GPR176: variants seen among roughly 807,000 people sequenced by gnomAD.
The protein encoded by GPR176 is G-protein coupled receptor 176.
A neutral mutation model predicts 35.4 loss-of-function variants in GPR176; 26 were observed. The ratio of observed to expected loss-of-function variants is 0.74; its 90% CI spans 0.54 to 1.02. The LOEUF is 1.02. Among genes scored for constraint, GPR176 ranks in the 50% least tolerant of loss-of-function variants. The pLI, the probability that GPR176 is intolerant of heterozygous loss-of-function variation, is 0.00. For missense variants in GPR176, 597 were observed against 665.3 expected (o/e 0.90, Z 1.13); for synonymous variants, 278 against 271.3 (o/e 1.02, Z -0.24).
At chr15:39,912,811 A>G (rs1189795151) in intron 1 of GPR176, among the ~76,000 whole-genome samples, 1 of 152,192 alleles carries the variant, frequency 6.6e-6, no homozygotes, top group African/African-American at 2.4e-5. Flanking sequence ...CTTTGTTCCC[A>G]TTTTGAGACA....
At chr15:39,856,464 C>T (rs1367999679) in intron 1 of GPR176, among the ~76,000 whole-genome samples, 1 of 152,192 alleles carries the variant, frequency 6.6e-6, no homozygotes, top group Non-Finnish European at 1.5e-5. Context: ...TGGTCTGGCT[C>T]AGCGTCTCTC....
chr15:39,916,039 G>A (rs923062633), intron 1 of GPR176, among the ~76,000 whole-genome samples: 2 of 152,168 alleles, frequency 1.3e-5, no homozygotes, highest in Non-Finnish European at 2.9e-5. Flanking sequence ...CTGTGTAGGA[G>A]GAGCTCAGAG....
At chr15:39,870,520 A>T (rs2032005612) in intron 1 of GPR176, among the ~76,000 whole-genome samples, 1 of 152,180 alleles carries the variant, frequency 6.6e-6, no homozygotes, top group African/African-American at 2.4e-5. Flanking sequence ...ATATCTTACA[A>T]CTTATCTTTA....
rs73399129 is a variant in GPR176 at position 39,859,880 on chromosome 15, G to A, written c.173-52622C>T. Among the ~76,000 whole-genome samples, 1,277 of 152,072 alleles carry A rather than the reference G, an allele frequency of 8.4e-3. 17 individuals carry two copies. The highest frequency in any genetic ancestry group is 0.029 in the African/African-American group (1,196 of 41,480). ...TGCAAGATGAAGAGTTATGGAGACT[G>A]GCTGTACAACAATGTGCATATAATT... On this transcript the variant is annotated intron_variant, in intron 1 of 2. Transcript: ENST00000561100.
chr15:39,864,805 TA>T (rs1199162385), intron 1 of GPR176, among the ~76,000 whole-genome samples: 2 of 152,032 alleles, frequency 1.3e-5, no homozygotes, highest in East Asian at 3.9e-4. Context: ...AGGGGACTAA[TA>T]TCCAGAATTT....
chr15:39,822,104 C>A (rs1419857379), intron 1 of GPR176, among the ~76,000 whole-genome samples: 8 of 152,222 alleles, frequency 5.3e-5, no homozygotes, highest in African/African-American at 1.9e-4. Context: ...CTGCCAACAG[C>A]CATGTGAATG....
At position 39,837,364 on chromosome 15, in the gene GPR176, C is replaced by T. The variant is rs138343190; in HGVS notation, c.173-30106G>A. On this transcript the variant is annotated intron_variant, in intron 1 of 2. Transcript: ENST00000561100. ...TTCTAGCTTCCTGGATCACCTCTCA[C>T]TCTGTGAGTGTGCCATTTACTCCAA... Among the ~76,000 whole-genome samples the T allele has an allele frequency of 6.9e-3, 1,052 of 152,296 alleles. 14 individuals are homozygous for T. The highest frequency in any genetic ancestry group is 0.025 in the African/African-American group (1,019 of 41,568).
intron 1 of GPR176, among the ~76,000 whole-genome samples, chr15:39,854,225 C>G (rs1456366100): frequency 6.6e-6 from 1 of 152,144 alleles, no homozygotes; most frequent in African/African-American, 2.4e-5. Context: ...TCTCCCAAGG[C>G]AATCAGGACC....
chr15:39,861,803 TA>T (rs1479195423), intron 1 of GPR176, among the ~76,000 whole-genome samples: 1 of 152,190 alleles, frequency 6.6e-6, no homozygotes, highest in African/African-American at 2.4e-5. Context: ...ATCAAAATGT[TA>T]AAGGTCTGTT....
intron 1 of GPR176, among the ~76,000 whole-genome samples, chr15:39,809,730 C>T (rs1312155064): frequency 6.6e-6 from 1 of 152,118 alleles, no homozygotes; most frequent in Non-Finnish European, 1.5e-5. Flanking sequence ...GACATACAGC[C>T]CATACAACCA....
chr15:39,911,931 G>T lies in GPR176; in HGVS notation c.172+7924C>A, dbSNP rs1314554701. On this transcript the variant is annotated intron_variant, in intron 1 of 2. Coordinates refer to ENST00000561100, the MANE Select transcript of GPR176 (RefSeq NM_007223.3). ...TCTTTTAAAAAAAAGTACCTTCAAA[G>T]ATCACTATTTTAAAATACTTTAATA... is the stretch of plus-strand genomic sequence containing the variant. Among the ~76,000 whole-genome samples the T allele has an allele frequency of 3.9e-5, 6 of 152,150 alleles. No homozygotes were observed. The East Asian group carries it at 1.2e-3, about 29-fold the overall frequency.
chr15:39,822,854 C>T (rs1199907328), intron 1 of GPR176, among the ~76,000 whole-genome samples: 1 of 152,150 alleles, frequency 6.6e-6, no homozygotes, highest in African/African-American at 2.4e-5. Flanking sequence ...GTTGGAAACA[C>T]CATAAAAGCC....
At chr15:39,823,251 A>T (rs569630661) in intron 1 of GPR176, among the ~76,000 whole-genome samples, 68 of 152,272 alleles carry the variant, frequency 4.5e-4, no homozygotes, top group Middle Eastern at 3.4e-3. Context: ...AGCCAACCAG[A>T]TATCCATATG....
intron 2 of GPR176, among the ~76,000 whole-genome samples, chr15:39,804,990 A>G (rs1225086779): frequency 1.3e-5 from 2 of 152,240 alleles, no homozygotes; most frequent in Non-Finnish European, 2.9e-5. Flanking sequence ...GTGAGGTAAT[A>G]GAAATGTTTT....
intron 1 of GPR176, among the ~76,000 whole-genome samples, chr15:39,907,166 G>A (rs866594367): frequency 6.6e-6 from 1 of 152,214 alleles, no homozygotes; most frequent in Non-Finnish European, 1.5e-5. Flanking sequence ...AAAGTCAATG[G>A]TCTTTGCAAG....
intron 1 of GPR176, among the ~76,000 whole-genome samples, chr15:39,865,142 A>G (rs1313958345): frequency 6.6e-6 from 1 of 152,096 alleles, no homozygotes; most frequent in Admixed American, 6.6e-5. Context: ...AAAATATGAA[A>G]ATTTCTCAAA....
chr15:39,856,105 A>G (rs1328654225), intron 1 of GPR176, among the ~76,000 whole-genome samples: 1 of 152,226 alleles, frequency 6.6e-6, no homozygotes, highest in Non-Finnish European at 1.5e-5. Context: ...CGACAGCAGT[A>G]TGCCACCTCT....
intron 1 of GPR176, among the ~76,000 whole-genome samples, chr15:39,888,252 T>TG (rs35568409): frequency 0.085 from 12,874 of 151,372 alleles, 936 homozygotes; most frequent in Admixed American, 0.21. Context: ...TTGGTTTTTT[T>TG]GGGGGGTGAA....
chr15:39,859,923 T>TA lies in GPR176; in HGVS notation c.173-52666dup, dbSNP rs557190528. On this transcript the variant is annotated intron_variant, in intron 1 of 2. Transcript: ENST00000561100. Reference sequence around the variant, plus strand: ...ATATAATTAACACTACTGAACTACATACTTAAAAATGGTTAAGATGGTAAA... The same window carrying TA: ...ATATAATTAACACTACTGAACTACATAACTTAAAAATGGTTAAGATGGTAAA... Among the ~76,000 whole-genome samples the TA allele has an allele frequency of 3.1e-3, 477 of 151,956 alleles. 1 individual carries two copies. Among genetic ancestry groups the TA allele is most frequent in the Non-Finnish European group, 5.7e-3 (387 of 67,990 alleles).
Sources: allele counts gnomAD v4.1 joint callset (sites outside exome capture counted in the v4.1 genomes callset), GRCh38; gene constraint gnomAD v4.1.1; transcripts MANE v1.5; gene names NCBI Gene and HGNC (gene_info 2026-07-23, HGNC 2026-07-21).